Variants in URGCP observed in about 807,000 individuals in gnomAD.
URGCP encodes up-regulator of cell proliferation.
A neutral mutation model predicts 24.6 loss-of-function variants in URGCP; 13 were observed. The ratio of observed to expected loss-of-function variants is 0.53; its 90% CI spans 0.34 to 0.84. The LOEUF is 0.84. Ranked by LOEUF, URGCP falls within the 40% of genes least tolerant of loss-of-function variation. URGCP has a pLI of 0.01. For synonymous variants in URGCP, 444 were observed against 487.2 expected (o/e 0.91, Z 1.17); for missense variants, 899 against 1,194.3 (o/e 0.75, Z 3.64).
At position 43,876,359 on chromosome 7, in the gene URGCP, CAG is replaced by C. The variant is rs552572044; in HGVS notation, c.*306_*307del. On this transcript the variant is annotated 3_prime_UTR_variant, in exon 6 of 6. Transcript: ENST00000453200. ...CTGCTCCCACTCCAGGGGCCAGTGACAGAGAGCAGCTATACAGAGGGCCCACC... is the reference window on the plus strand; with the variant it reads ...CTGCTCCCACTCCAGGGGCCAGTGACAGAGCAGCTATACAGAGGGCCCACC... 3 of 332,858 alleles carry C rather than the reference CAG, an allele frequency of 9.0e-6. No homozygotes were observed. The highest frequency in any genetic ancestry group is 1.1e-5 in the Non-Finnish European group (2 of 180,016). The allele number at this position is 332,858 out of a possible 1,614,324, so 20.6% of individuals were successfully genotyped here. A position where few individuals can be genotyped will look rare whatever the true frequency, so the allele number is the denominator to read the frequency against.
chr7:43,887,730 C>T, intron 2 of URGCP, 60 bp downstream of exon 2: 1 of 1,537,980 alleles, frequency 6.5e-7, no homozygotes, highest in Non-Finnish European at 8.7e-7. Flanking sequence ...CCAGCACTCT[C>T]CAAAACTGCT....
At chr7:43,893,321 T>G (rs897100943) in intron 1 of URGCP, among the ~76,000 whole-genome samples, 1 of 151,814 alleles carries the variant, frequency 6.6e-6, no homozygotes, top group Non-Finnish European at 1.5e-5. Flanking sequence ...TAGAGAATGA[T>G]TCTGTCTCAA....
At position 43,877,813 on chromosome 7, in the gene URGCP, C is replaced by G. The variant is rs191285339; in HGVS notation, c.1650G>C (p.Glu550Asp). 1.2e-6 allele frequency: 2 copies of G among 1,606,154 alleles called. No homozygotes were observed. The highest frequency in any genetic ancestry group is 2.2e-5 in the South Asian group (2 of 90,298). ...NGHDPSSGVQ[E>D]FISGISSPSL... ...AGGGGCTGCTGATCCCCGAGATGAACTCCTGCACCCCCGAGGAGGGATCAT... is the reference window on the plus strand; with the variant it reads ...AGGGGCTGCTGATCCCCGAGATGAAGTCCTGCACCCCCGAGGAGGGATCAT... The change falls in exon 6 of 6, where the codon GAG (glutamate) becomes GAC (aspartate). Residue 550 changes from glutamate to aspartate, a missense_variant. Glu to Asp is a conservative substitution (Grantham distance 45, BLOSUM62 2). Transcript: ENST00000453200.
chr7:43,914,500 C>G (rs2095913470), intron 1 of URGCP, among the ~76,000 whole-genome samples: 1 of 151,982 alleles, frequency 6.6e-6, no homozygotes, highest in Admixed American at 6.6e-5. Flanking sequence ...ATGAGAGTGT[C>G]TCAAAAAAAT....
rs62458673 is a variant in URGCP, at chr7:43,878,472, G to T, written c.991C>A (p.Pro331Thr). Residue 331 changes from proline to threonine, a missense_variant, in exon 6 of 6, where the codon CCT (proline) becomes ACT (threonine). Physicochemically the swap from Pro to Thr is conservative, Grantham distance 38. Transcript: ENST00000453200. The surrounding 1 kb of genome is among the most constrained non-coding windows in gnomAD (Gnocchi z 5.6). ...CCTCTCAGGTTCAGAAAGGCCACAG[G>T]TTCTGGGAAAATGTCCAAGTCCTCC... is the stretch of plus-strand genomic sequence containing the variant. ...GREDLDIFPEPVAFLNLRGDI... is the reference protein window; with the variant it reads ...GREDLDIFPETVAFLNLRGDI... 2 of 1,614,196 alleles carry T rather than the reference G, an allele frequency of 1.2e-6. No individual in the cohort carries two copies. The highest frequency in any genetic ancestry group is 1.3e-5 in the African/African-American group (1 of 75,058).
At chr7:43,925,843 A>C (rs1170409854) in intron 1 of URGCP, among the ~76,000 whole-genome samples, 1 of 140,938 alleles carries the variant, frequency 7.1e-6, no homozygotes, top group Non-Finnish European at 1.5e-5. Flanking sequence ...CAACCTATTA[A>C]ATTGATTTCG....
chr7:43,916,170 G>A (rs2095915213), intron 1 of URGCP, among the ~76,000 whole-genome samples: 1 of 152,150 alleles, frequency 6.6e-6, no homozygotes, highest in Non-Finnish European at 1.5e-5. Context: ...GCCAGGAATA[G>A]GTTGGTGCAA....
At chr7:43,925,243 A>G (rs2095927738) in intron 1 of URGCP, among the ~76,000 whole-genome samples, 1 of 152,206 alleles carries the variant, frequency 6.6e-6, no homozygotes, top group African/African-American at 2.4e-5. Flanking sequence ...AAGCTGGGCA[A>G]CTATTGAAAT....
upstream of URGCP, chr7:43,906,652 G>A (rs1431787740): frequency 8.9e-7 from 1 of 1,117,540 alleles, no homozygotes; most frequent in Non-Finnish European, 1.1e-6. Flanking sequence ...GAGGGGCCTG[G>A]CCCGCCGGCC....
At chr7:43,925,798 C>CTTTTTTTTTTTTTTT (rs60736722) in intron 1 of URGCP, among the ~76,000 whole-genome samples, 2 of 116,578 alleles carry the variant, frequency 1.7e-5, no homozygotes, top group South Asian at 3.4e-4. Flanking sequence ...CCTCGTCTGG[C>CTTTTTTTTTTTTTTT]TTTTTTTTTT....
intron 1 of URGCP, among the ~76,000 whole-genome samples, chr7:43,915,492 C>T (rs2095914513): frequency 6.6e-6 from 1 of 152,172 alleles, no homozygotes; most frequent in South Asian, 2.1e-4. Flanking sequence ...TTATCTTTTA[C>T]AATATTGGGG....
intron 1 of URGCP, among the ~76,000 whole-genome samples, chr7:43,901,676 C>T (rs948181170): frequency 6.6e-6 from 1 of 152,180 alleles, no homozygotes; most frequent in Non-Finnish European, 1.5e-5. Flanking sequence ...CCCCTTCCCC[C>T]AGTGTGGCCA....
intron 5 of URGCP, among the ~76,000 whole-genome samples, chr7:43,880,877 C>T (rs1376695815): frequency 1.3e-5 from 2 of 152,182 alleles, no homozygotes; most frequent in African/African-American, 2.4e-5. Context: ...GTGACCCAGC[C>T]CTCTGCCTGT....
chr7:43,877,718 A>G lies in URGCP; in HGVS notation c.1745T>C (p.Leu582Pro). 6.2e-7 allele frequency: 1 copy of G among 1,612,318 alleles called. No individual in the cohort carries two copies. Among genetic ancestry groups the G allele is most frequent in the Non-Finnish European group, 8.5e-7 (1 of 1,179,402 alleles). The change falls in exon 6 of 6, where the codon CTG becomes CCG. Residue 582 changes from leucine (L) to proline (P), a missense_variant. Transcript: ENST00000453200. ...WGLARVAQPRLRQPPETLLTL... is the reference protein window; with the variant it reads ...WGLARVAQPRPRQPPETLLTL... Reference sequence around the variant, plus strand: ...GAGAAGCGTCTCCGGAGGCTGTCTCAGTCGCGGCTGGGCCACCCGTGCCAG... The same window carrying G: ...GAGAAGCGTCTCCGGAGGCTGTCTCGGTCGCGGCTGGGCCACCCGTGCCAG...
intron 1 of URGCP, among the ~76,000 whole-genome samples, chr7:43,921,055 G>A (rs2095921836): frequency 6.6e-6 from 1 of 152,164 alleles, no homozygotes; most frequent in South Asian, 2.1e-4. Flanking sequence ...GGCCGGGCAC[G>A]GTGGCCCACA....
chr7:43,879,285 G>A, intron 5 of URGCP, 25 bp from the exon 6 acceptor site: 1 of 1,577,044 alleles, frequency 6.3e-7, no homozygotes, highest in Non-Finnish European at 8.6e-7. Flanking sequence ...GAAGACATAA[G>A]TGCTCACCCT....
chr7:43,910,931 C>T (rs184240929), upstream of URGCP: 2 of 152,204 alleles, frequency 1.3e-5, no homozygotes, highest in East Asian at 3.9e-4. Context: ...CAATGATAAA[C>T]ATGTATGCAC....
chr7:43,920,861 T>C (rs1367666949), intron 1 of URGCP, among the ~76,000 whole-genome samples: 1 of 152,168 alleles, frequency 6.6e-6, no homozygotes, highest in African/African-American at 2.4e-5. Context: ...CTTCCAGCTA[T>C]CCCCATGTAT....
intron 1 of URGCP, among the ~76,000 whole-genome samples, chr7:43,898,630 G>A (rs1198941479): frequency 6.6e-6 from 1 of 152,026 alleles, no homozygotes; most frequent in African/African-American, 2.4e-5. Flanking sequence ...ACTGGGTCCA[G>A]GAGCATGTGC....
Sources: gnomAD v4.1 joint callset for allele counts (sites outside exome capture counted in the v4.1 genomes callset) on GRCh38, gnomAD v4.1.1 for gene constraint, Gnocchi (gnomAD v3.1) non-coding constraint, MANE v1.5 for transcripts, NCBI Gene and HGNC (gene_info 2026-07-23, HGNC 2026-07-21) for gene names.